Variants in BCAR3 observed in about 807,000 individuals in gnomAD.
BCAR3 encodes the protein BCAR3 adaptor protein, NSP family member.
BCAR3 carries 37 observed loss-of-function variants against 80.1 expected under a neutral mutation model. The observed-to-expected ratio is 0.46, with a 90% CI of 0.36 to 0.61. BCAR3 has a LOEUF of 0.61. BCAR3 is among the 20% of genes least tolerant of loss of function. The pLI is 0.00. For missense variants in BCAR3, 978 were observed against 1,068.2 expected (o/e 0.92, Z 1.18); for synonymous variants, 389 against 418.9 (o/e 0.93, Z 0.87).
At chr1:93,836,667 T>G (rs1473257420) in intron 2 of BCAR3, among the ~76,000 whole-genome samples, 1 of 151,608 alleles carries the variant, frequency 6.6e-6, no homozygotes, top group Non-Finnish European at 1.5e-5. Flanking sequence ...CTTATTAACA[T>G]AAGAAGACAG....
chr1:93,823,286 A>T (rs1001163329), intron 2 of BCAR3, among the ~76,000 whole-genome samples: 2 of 133,662 alleles, frequency 1.5e-5, no homozygotes, highest in African/African-American at 5.0e-5. Flanking sequence ...CTTAGGAGTC[A>T]AAAGCATCCC....
At chr1:93,772,697 C>T (rs564242492) in intron 2 of BCAR3, among the ~76,000 whole-genome samples, 11 of 152,186 alleles carry the variant, frequency 7.2e-5, no homozygotes, top group South Asian at 4.2e-4. Context: ...CTGCACCTGC[C>T]GGGTTTAAGC....
chr1:93,574,482 C>G (rs1321583156), intron 8 of BCAR3, among the ~76,000 whole-genome samples: 2 of 152,096 alleles, frequency 1.3e-5, no homozygotes, highest in Non-Finnish European at 2.9e-5. Flanking sequence ...GAGCAAGACC[C>G]CAGCCAAGAG....
intron 2 of BCAR3, among the ~76,000 whole-genome samples, chr1:93,652,414 C>T (rs1189911753): frequency 6.6e-6 from 1 of 152,160 alleles, no homozygotes; most frequent in Non-Finnish European, 1.5e-5. Flanking sequence ...GCCACCCAAT[C>T]GCTGCTAACC....
At chr1:93,749,303 C>A (rs1259195648) in intron 2 of BCAR3, among the ~76,000 whole-genome samples, 1 of 151,998 alleles carries the variant, frequency 6.6e-6, no homozygotes, top group Admixed American at 6.6e-5. Flanking sequence ...AAATATAAAT[C>A]ATGGGCTGGC....
chr1:93,605,443 A>C (rs1176433296), intron 3 of BCAR3: 1 of 152,256 alleles, frequency 6.6e-6, no homozygotes, highest in African/African-American at 2.4e-5. Flanking sequence ...TGCAAGTGAA[A>C]TATTAATCGC....
Position 93,592,131 on chromosome 1 carries a change from A to G in BCAR3, c.486+134T>C. 5 of 1,311,410 alleles carry G rather than the reference A, an allele frequency of 3.8e-6. No individual in the cohort carries two copies. The highest frequency in any genetic ancestry group is 5.2e-6 in the Non-Finnish European group (5 of 965,896). 81.2% of individuals were successfully genotyped at this position (1,311,410 alleles called of 1,614,324 possible). On this transcript the variant is annotated intron_variant, in intron 4 of 11. Transcript: ENST00000260502. This position sits in a 1 kb window ranked among gnomAD's most constrained non-coding sequence, Gnocchi z 4.8. ...CTTAGAGAAGGGTCTAAATGAAGTC[A>G]TTTTTAGAGTATTTGTTTTTGGTTA...
At chr1:93,691,862 G>A (rs780256267) in intron 3 of BCAR3, among the ~76,000 whole-genome samples, 6 of 152,128 alleles carry the variant, frequency 3.9e-5, no homozygotes, top group Non-Finnish European at 8.8e-5. Flanking sequence ...TCACTCCCAC[G>A]TGAGTGGCAG....
intron 1 of BCAR3, among the ~76,000 whole-genome samples, chr1:93,678,075 T>C (rs907618972): frequency 1.3e-5 from 2 of 152,196 alleles, no homozygotes; most frequent in African/African-American, 2.4e-5. Context: ...GTTCTCAACC[T>C]GGCTACACAT....
intron 4 of BCAR3, among the ~76,000 whole-genome samples, chr1:93,591,456 T>TA (rs996034690): frequency 7.9e-5 from 12 of 152,120 alleles, no homozygotes; most frequent in African/African-American, 2.9e-4. Context: ...GCCTGGGTGA[T>TA]AGAGTAAGAC....
At chr1:93,808,845 G>A (rs1486227265) in intron 2 of BCAR3, among the ~76,000 whole-genome samples, 1 of 152,158 alleles carries the variant, frequency 6.6e-6, no homozygotes, top group Non-Finnish European at 1.5e-5. Flanking sequence ...AGGGACATTG[G>A]TTCCATAAAG....
chr1:93,731,916 G>A (rs1019332116), intron 2 of BCAR3, among the ~76,000 whole-genome samples: 4 of 152,198 alleles, frequency 2.6e-5, no homozygotes, highest in African/African-American at 9.7e-5. Flanking sequence ...AAGGTAGCAA[G>A]GGCTCTGATC....
intron 2 of BCAR3, among the ~76,000 whole-genome samples, chr1:93,800,472 AGGCT>A (rs1238290375): frequency 6.6e-6 from 1 of 152,090 alleles, no homozygotes. Flanking sequence ...GCTAGTTTGG[AGGCT>A]GAGGGAGGAG....
chr1:93,736,095 T>C (rs940070125), intron 2 of BCAR3, among the ~76,000 whole-genome samples: 3 of 152,216 alleles, frequency 2.0e-5, no homozygotes, highest in African/African-American at 7.2e-5. Context: ...GTATAATTAT[T>C]GAATTAAATT....
chr1:93,770,527 C>T (rs1652321993), intron 2 of BCAR3, among the ~76,000 whole-genome samples: 1 of 152,122 alleles, frequency 6.6e-6, no homozygotes, highest in Admixed American at 6.5e-5. Context: ...TATGTTGTCC[C>T]TTTCTGACTA....
rs990847891 is a variant in BCAR3 at position 93,582,541 on chromosome 1, G to C, written c.1446C>G (p.Asp482Glu). The stretch of plus-strand genomic sequence containing the variant: ...CCGCAGGTTCCCAAGGTCTTTCCCT[G>C]TCATCATCATCAAGGATCAAGTAGT... ...GVNYLILDDD[D>E]RERPWEPAAA... Residue 482 changes from aspartate (D) to glutamate (E), a missense_variant, in exon 7 of 12, where the codon GAC (aspartate) becomes GAG (glutamate). Coordinates refer to ENST00000260502, the MANE Select transcript of BCAR3 (RefSeq NM_003567.4). 1.2e-6 allele frequency: 2 copies of C among 1,613,630 alleles called. No individual in the cohort carries two copies. The highest frequency in any genetic ancestry group is 1.7e-6 in the Non-Finnish European group (2 of 1,179,822).
intron 5 of BCAR3, among the ~76,000 whole-genome samples, chr1:93,588,328 C>T (rs766125074): frequency 6.6e-6 from 1 of 152,122 alleles, no homozygotes; most frequent in Admixed American, 6.5e-5. Flanking sequence ...CAGGCTCCTA[C>T]ATCTCTTGAC....
chr1:93,676,231 C>T (rs1302523616), intron 1 of BCAR3, among the ~76,000 whole-genome samples: 2 of 152,144 alleles, frequency 1.3e-5, no homozygotes, highest in African/African-American at 4.8e-5. Flanking sequence ...GGACTTGGGA[C>T]GTGGTTTGAA....
intron 2 of BCAR3, among the ~76,000 whole-genome samples, chr1:93,779,999 C>T (rs937523209): frequency 1.3e-5 from 2 of 152,200 alleles, no homozygotes; most frequent in African/African-American, 4.8e-5. Context: ...CTCAAACCCA[C>T]ATTGTTTCCA....
Sources: gnomAD v4.1 joint callset for allele counts (sites outside exome capture counted in the v4.1 genomes callset) on GRCh38, gnomAD v4.1.1 for gene constraint, Gnocchi (gnomAD v3.1) non-coding constraint, MANE v1.5 for transcripts, NCBI Gene and HGNC (gene_info 2026-07-23, HGNC 2026-07-21) for gene names.